CLSTN2: variants seen among roughly 807,000 people sequenced by gnomAD.
The protein encoded by CLSTN2 is calsyntenin 2, also known as calsyntenin-2.
In CLSTN2, 48 loss-of-function variants were observed where a neutral mutation model predicts 101.2. The observed-to-expected ratio is 0.47, with a 90% CI of 0.38 to 0.60. The LOEUF (loss-of-function observed/expected upper bound fraction) is 0.60, where lower values mean the gene tolerates loss of function less well. CLSTN2 is among the 20% of genes least tolerant of loss of function. The pLI, the probability that CLSTN2 is intolerant of heterozygous loss-of-function variation, is 0.00. For synonymous variants in CLSTN2, 481 were observed against 463.6 expected, an observed-to-expected ratio of 1.04 and a Z score of -0.48; for missense variants, 1,160 against 1,238.2, an observed-to-expected ratio of 0.94 and a Z score of 0.95.
chr3:140,088,992 A>T (rs977080281), intron 1 of CLSTN2, among the ~76,000 whole-genome samples: 18 of 151,042 alleles, frequency 1.2e-4, no homozygotes, highest in Admixed American at 6.7e-4. Flanking sequence ...ATGTAAAAAA[A>T]TTTAAATCAA....
At chr3:140,281,667 T>C (rs1248729906) in intron 2 of CLSTN2, among the ~76,000 whole-genome samples, 1 of 152,110 alleles carries the variant, frequency 6.6e-6, no homozygotes, top group Non-Finnish European at 1.5e-5. Context: ...CCACAGCTGA[T>C]TAGAAGCATC....
In CLSTN2 at chr3:139,982,747, G is replaced by T. The variant is rs575124883; in HGVS notation, c.109+47264G>T. 7.2e-5 allele frequency among the ~76,000 whole-genome samples: 11 copies of T among 152,262 alleles called. No homozygotes were observed. The South Asian group carries it at 1.9e-3, about 26-fold the overall frequency. On this transcript the variant is annotated intron_variant, in intron 1 of 16. Coordinates refer to ENST00000458420, the MANE Select transcript of CLSTN2 (RefSeq NM_022131.3). Reference sequence around the variant, plus strand: ...CAGCCTATGAGGAAGTAATGTGCATGTAACCTGAATAGAATAGAGAAAAAT... The same window carrying T: ...CAGCCTATGAGGAAGTAATGTGCATTTAACCTGAATAGAATAGAGAAAAAT...
At chr3:140,101,923 G>A (rs1444428757) in intron 1 of CLSTN2, among the ~76,000 whole-genome samples, 1 of 152,176 alleles carries the variant, frequency 6.6e-6, no homozygotes, top group Non-Finnish European at 1.5e-5. Flanking sequence ...GGGAGGCAGG[G>A]GCATGTAGGA....
chr3:140,387,144 G>A (rs957961881), intron 2 of CLSTN2, among the ~76,000 whole-genome samples: 2 of 152,206 alleles, frequency 1.3e-5, no homozygotes, highest in Non-Finnish European at 2.9e-5. Flanking sequence ...AAAAAAGATG[G>A]GTGAACACAA....
intron 2 of CLSTN2, among the ~76,000 whole-genome samples, chr3:140,337,673 C>G (rs184685479): frequency 6.6e-6 from 1 of 152,138 alleles, no homozygotes; most frequent in South Asian, 2.1e-4. Flanking sequence ...GAGATACCAC[C>G]AGGTCATGGG....
At chr3:140,072,350 T>C (rs1193798536) in intron 1 of CLSTN2, among the ~76,000 whole-genome samples, 1 of 152,234 alleles carries the variant, frequency 6.6e-6, no homozygotes, top group Admixed American at 6.5e-5. Flanking sequence ...CTGTTGTTTC[T>C]CTAATATGTG....
intron 1 of CLSTN2, among the ~76,000 whole-genome samples, chr3:140,173,679 C>T (rs540953756): frequency 4.7e-4 from 71 of 152,344 alleles, no homozygotes; most frequent in African/African-American, 1.5e-3. Context: ...TGGAGGTTTC[C>T]AAACCTCAAT....
At chr3:140,186,588 T>C (rs1005581135) in intron 2 of CLSTN2, among the ~76,000 whole-genome samples, 3 of 152,202 alleles carry the variant, frequency 2.0e-5, no homozygotes, top group African/African-American at 7.2e-5. Context: ...TAATCACAGA[T>C]GAGGCATCAA....
chr3:140,207,727 C>T (rs923114272), intron 2 of CLSTN2, among the ~76,000 whole-genome samples: 10 of 151,928 alleles, frequency 6.6e-5, no homozygotes, highest in Non-Finnish European at 1.0e-4. Flanking sequence ...ACCTAGGATT[C>T]GAATTGCTGG....
intron 2 of CLSTN2, among the ~76,000 whole-genome samples, chr3:140,249,077 C>G (rs1019602015): frequency 6.6e-6 from 1 of 152,234 alleles, no homozygotes; most frequent in East Asian, 1.9e-4. Flanking sequence ...AGTTCCTATT[C>G]CTTCCCTGCT....
intron 8 of CLSTN2, among the ~76,000 whole-genome samples, chr3:140,471,301 T>A (rs1269918502): frequency 6.6e-6 from 1 of 152,176 alleles, no homozygotes; most frequent in South Asian, 2.1e-4. Flanking sequence ...CACAATCTAA[T>A]AATCTTCCCT....
intron 2 of CLSTN2, among the ~76,000 whole-genome samples, chr3:140,208,253 T>C (rs560716947): frequency 2.6e-5 from 4 of 152,348 alleles, no homozygotes; most frequent in Middle Eastern, 3.4e-3. Context: ...TAACTCTTTA[T>C]TGAAATTTGT....
chr3:140,521,662 A>C (rs2107773875), intron 8 of CLSTN2, among the ~76,000 whole-genome samples: 1 of 152,320 alleles, frequency 6.6e-6, no homozygotes, highest in East Asian at 1.9e-4. Flanking sequence ...GCTGTGCTGC[A>C]TTGTGGGGGA....
chr3:140,426,242 C>T (rs992182690), intron 5 of CLSTN2, among the ~76,000 whole-genome samples: 3 of 152,176 alleles, frequency 2.0e-5, no homozygotes, highest in Non-Finnish European at 2.9e-5. Flanking sequence ...ATATTAAGCG[C>T]CACATGCAGT....
At chr3:140,040,301 A>T (rs149655660) in intron 1 of CLSTN2, among the ~76,000 whole-genome samples, 1 of 152,160 alleles carries the variant, frequency 6.6e-6, no homozygotes, top group Non-Finnish European at 1.5e-5. Context: ...GCCATTTATC[A>T]TAGAAACACA....
intron 5 of CLSTN2, among the ~76,000 whole-genome samples, chr3:140,436,582 G>A (rs970639700): frequency 1.3e-5 from 2 of 152,218 alleles, no homozygotes; most frequent in African/African-American, 2.4e-5. Flanking sequence ...ATGGATCCCA[G>A]CCAGTCTGGG....
chr3:140,328,979 G>A (rs2087356487), intron 2 of CLSTN2, among the ~76,000 whole-genome samples: 1 of 152,160 alleles, frequency 6.6e-6, no homozygotes, highest in Admixed American at 6.5e-5. Context: ...TATCCAAATT[G>A]TAGTCTTGGT....
intron 2 of CLSTN2, among the ~76,000 whole-genome samples, chr3:140,242,617 C>T (rs2086479836): frequency 6.6e-6 from 1 of 152,134 alleles, no homozygotes. Flanking sequence ...TTATGGACCT[C>T]AAGAGTTTTG....
At chr3:139,985,196 C>G (rs1396669099) in intron 1 of CLSTN2, among the ~76,000 whole-genome samples, 1 of 152,188 alleles carries the variant, frequency 6.6e-6, no homozygotes, top group Admixed American at 6.5e-5. Flanking sequence ...AGCTCACATT[C>G]CTGCTTAAAA....
Sources: gnomAD v4.1 joint callset for allele counts (sites outside exome capture counted in the v4.1 genomes callset) on GRCh38, gnomAD v4.1.1 for gene constraint, MANE v1.5 for transcripts, NCBI Gene and HGNC (gene_info 2026-07-23, HGNC 2026-07-21) for gene names.